Variants in PHF14 observed in about 807,000 individuals in gnomAD.
The protein encoded by PHF14 is PHD finger protein 14.
Under a neutral mutation model 117.9 loss-of-function variants are expected in PHF14, and 55 were observed. The observed-to-expected ratio is 0.47, with a 90% CI of 0.38 to 0.58. PHF14 has a LOEUF of 0.58. Ranked by LOEUF, PHF14 falls within the 20% of genes least tolerant of loss-of-function variation. The probability of loss-of-function intolerance (pLI) is 0.00; values close to 1 mark genes in which losing one functional copy is unlikely to be tolerated. For missense variants in PHF14, 978 were observed against 1,122.2 expected (o/e 0.87, Z 1.84); for synonymous variants, 409 against 368.6 (o/e 1.11, Z -1.26).
At chr7:11,012,930 C>T (rs79509947) in intron 4 of PHF14, among the ~76,000 whole-genome samples, 11,319 of 152,170 alleles carry the variant, frequency 0.074, 464 homozygotes, top group African/African-American at 0.1. Context: ...TCAAACTGTT[C>T]TATAGCTTTA....
At chr7:11,084,520 A>G (rs1438031041) in intron 16 of PHF14, among the ~76,000 whole-genome samples, 5 of 150,468 alleles carry the variant, frequency 3.3e-5, no homozygotes, top group East Asian at 1.9e-4. Flanking sequence ...TAACTTCACA[A>G]TGCATAATGG....
chr7:11,067,956 A>AC (rs1213783933), intron 16 of PHF14, among the ~76,000 whole-genome samples: 4 of 152,022 alleles, frequency 2.6e-5, no homozygotes, highest in African/African-American at 7.3e-5. Flanking sequence ...TCCCATTAGG[A>AC]CCCCCCTAAA....
intron 17 of PHF14, among the ~76,000 whole-genome samples, chr7:11,122,352 T>TATATACACACACACAC: frequency 4.6e-5 from 3 of 65,866 alleles, no homozygotes; most frequent in South Asian, 5.1e-4. Flanking sequence ...TATATATATA[T>TATATACACACACACAC]ACACACACAC....
chr7:11,104,129 A>G, intron 16 of PHF14: 2 of 984,766 alleles, frequency 2.0e-6, no homozygotes, highest in Non-Finnish European at 2.4e-6. Context: ...TTTTTTGAGA[A>G]ACTCTTAGGC....
intron 16 of PHF14, chr7:11,104,734 C>T: frequency 1.5e-6 from 1 of 645,538 alleles, no homozygotes; most frequent in Non-Finnish European, 1.9e-6. Flanking sequence ...TCTCCTGGAT[C>T]TGCCCTCTGC....
At chr7:11,163,402 C>A (rs1735948367) in intron 17 of PHF14, among the ~76,000 whole-genome samples, 1 of 152,058 alleles carries the variant, frequency 6.6e-6, no homozygotes, top group African/African-American at 2.4e-5. Context: ...TATTAATTGC[C>A]TTTTGTATTA....
At chr7:11,045,452 G>A (rs1023145903) in intron 13 of PHF14, among the ~76,000 whole-genome samples, 1 of 152,120 alleles carries the variant, frequency 6.6e-6, no homozygotes, top group Non-Finnish European at 1.5e-5. Flanking sequence ...GCCTGTGGTA[G>A]CACCCTTACT....
Position 11,090,013 on chromosome 7 carries a change from C to T in PHF14, c.2655-21337C>T, listed in dbSNP as rs576228484. ...CTCGAACTCCTGACCTCAGGTGATT[C>T]GCCCGCCTTAGCCTCCCAAAGTGCT... On this transcript the variant is annotated intron_variant, in intron 16 of 17. Coordinates refer to ENST00000634607, the MANE Select transcript of PHF14 (RefSeq NM_001007157.2). 5.9e-5 allele frequency among the ~76,000 whole-genome samples: 9 copies of T among 152,290 alleles called. No individual in the cohort carries two copies. The South Asian group carries it at 8.3e-4, about 14-fold the overall frequency.
chr7:11,068,029 A>G (rs2128331823), intron 16 of PHF14, among the ~76,000 whole-genome samples: 1 of 152,292 alleles, frequency 6.6e-6, no homozygotes, highest in East Asian at 1.9e-4. Flanking sequence ...GCATACATAC[A>G]GTAGAATATT....
chr7:11,026,840 G>T (rs116162054), intron 6 of PHF14, among the ~76,000 whole-genome samples: 11,237 of 150,638 alleles, frequency 0.075, 458 homozygotes, highest in African/African-American at 0.099. Flanking sequence ...TGCTTATTTT[G>T]CTTTAAGAAA....
At chr7:11,166,331 A>G (rs968420231) in intron 17 of PHF14, among the ~76,000 whole-genome samples, 5 of 150,768 alleles carry the variant, frequency 3.3e-5, no homozygotes, top group East Asian at 3.9e-4. Context: ...AGCAGAGAGA[A>G]AAAAAAAAAC....
Position 11,111,471 on chromosome 7 carries a change from A to AG in PHF14, c.2772+8dup, listed in dbSNP as rs775781811. The stretch of plus-strand genomic sequence containing the variant: ...ATGTGATTCTTCATCTTCCAAGGTA[A>AG]GGGGAGAAGTCTATAAGAAAAGGTA... On this transcript the variant is annotated splice_donor_region_variant and intron_variant, in intron 17 of 17. Transcript: ENST00000634607. 4 of 1,419,706 alleles carry AG rather than the reference A, an allele frequency of 2.8e-6. No homozygotes were observed. In the Middle Eastern group the frequency reaches 5.3e-4, roughly 187 times the overall value. 87.9% of individuals were successfully genotyped at this position (1,419,706 alleles called of 1,614,324 possible). A position where few individuals can be genotyped will look rare whatever the true frequency, so the allele number is the denominator to read the frequency against.
In PHF14 at chr7:11,023,019, GT is replaced by G. The variant is rs772293555; in HGVS notation, c.1317+44del. ...ATTTTTGATTGCTTGAAAGAGAAAG[GT>G]TTTACTTGTTAGTTTACCTGGCTTT... is the stretch of plus-strand genomic sequence containing the variant. On this transcript the variant is annotated intron_variant, in intron 6 of 17. Transcript: ENST00000634607. The G allele has an allele frequency of 2.7e-6, 3 of 1,107,980 alleles. No individual in the cohort carries two copies. The South Asian group carries it at 4.2e-5, about 16-fold the overall frequency. 68.6% of individuals were successfully genotyped at this position (1,107,980 alleles called of 1,614,324 possible).
chr7:11,008,711 T>C lies in PHF14; in HGVS notation c.1046-5036T>C, dbSNP rs560108442. Among the ~76,000 whole-genome samples, 11 of 152,300 alleles carry C rather than the reference T, an allele frequency of 7.2e-5. No individual in the cohort carries two copies. In the South Asian group the frequency reaches 1.0e-3, roughly 14 times the overall value. ...CAAGTATTATGCATGTTGTAGGTAC[T>C]GTCTTTCTCGTAAACAATATTACTC... On this transcript the variant is annotated intron_variant, in intron 4 of 17. Coordinates refer to ENST00000634607, the MANE Select transcript of PHF14 (RefSeq NM_001007157.2).
At chr7:11,018,229 T>C (rs1783598159) in intron 5 of PHF14, among the ~76,000 whole-genome samples, 1 of 152,116 alleles carries the variant, frequency 6.6e-6, no homozygotes, top group Non-Finnish European at 1.5e-5. Context: ...TTGGCTCTTC[T>C]GGGTCTTTTG....
intron 7 of PHF14, among the ~76,000 whole-genome samples, chr7:11,030,059 T>C (rs1583388950): frequency 6.6e-6 from 1 of 151,846 alleles, no homozygotes; most frequent in East Asian, 1.9e-4. Context: ...ATATAGCTGT[T>C]CCAATCTCTT....
chr7:11,112,824 G>C (rs1202241323), intron 17 of PHF14, among the ~76,000 whole-genome samples: 2 of 151,726 alleles, frequency 1.3e-5, no homozygotes, highest in African/African-American at 4.8e-5. Context: ...TATAATATTT[G>C]CATATATTTT....
intron 17 of PHF14, among the ~76,000 whole-genome samples, chr7:11,166,418 T>C (rs553527271): frequency 7.9e-5 from 12 of 152,178 alleles, no homozygotes; most frequent in Admixed American, 2.0e-4. Context: ...AAAAGCTTCC[T>C]TTGCAATTTT....
chr7:11,132,028 G>A (rs1788104132), intron 17 of PHF14, among the ~76,000 whole-genome samples: 1 of 151,478 alleles, frequency 6.6e-6, no homozygotes, highest in African/African-American at 2.4e-5. Flanking sequence ...ACAGATATAT[G>A]GTAAAAAGTT....
Sources: allele counts gnomAD v4.1 joint callset (sites outside exome capture counted in the v4.1 genomes callset), GRCh38; gene constraint gnomAD v4.1.1; transcripts MANE v1.5; gene names NCBI Gene and HGNC (gene_info 2026-07-23, HGNC 2026-07-21).